FRMD3: variants seen among roughly 807,000 people sequenced by gnomAD.
FRMD3 encodes the protein FERM domain containing 3.
In FRMD3, 33 loss-of-function variants were observed where a neutral mutation model predicts 70.2. The ratio of observed to expected loss-of-function variants is 0.47; its 90% confidence interval spans 0.36 to 0.63. The LOEUF (loss-of-function observed/expected upper bound fraction) is 0.63. Among genes scored for constraint, FRMD3 ranks in the 20% least tolerant of loss-of-function variants. FRMD3 has a pLI of 0.00. For synonymous variants in FRMD3, 279 were observed against 255.9 expected (o/e 1.09, Z -0.86); for missense variants, 632 against 711.4 (o/e 0.89, Z 1.27).
At chr9:83,342,881 G>T (rs1823820159) in intron 5 of FRMD3, among the ~76,000 whole-genome samples, 2 of 152,298 alleles carry the variant, frequency 1.3e-5, no homozygotes, top group Admixed American at 6.5e-5. Context: ...TCCCTTCAGA[G>T]CTTCTTATAA....
At chr9:83,352,076 AC>A in intron 3 of FRMD3, among the ~76,000 whole-genome samples, 1 of 152,342 alleles carries the variant, frequency 6.6e-6, no homozygotes, top group East Asian at 1.9e-4. Flanking sequence ...TATTATGAAT[AC>A]ACCAGAGTGT....
At chr9:83,297,030 C>T (rs1370391010) in intron 12 of FRMD3, among the ~76,000 whole-genome samples, 2 of 152,174 alleles carry the variant, frequency 1.3e-5, no homozygotes, top group Non-Finnish European at 2.9e-5. Context: ...AGCTAGAAAG[C>T]CTTGGTTTCC....
intron 13 of FRMD3, among the ~76,000 whole-genome samples, chr9:83,275,169 A>G (rs1833754873): frequency 6.6e-6 from 1 of 152,200 alleles, no homozygotes; most frequent in South Asian, 2.1e-4. Context: ...GAGCAGTAGC[A>G]TGGGACCGAG....
At chr9:83,519,014 T>C (rs538489772) in intron 1 of FRMD3, among the ~76,000 whole-genome samples, 129 of 152,272 alleles carry the variant, frequency 8.5e-4, no homozygotes, top group Non-Finnish European at 1.5e-3. Flanking sequence ...AAGATTTAAA[T>C]GTAAGCCCTA....
At chr9:83,509,236 A>G (rs1489983320) in intron 1 of FRMD3, among the ~76,000 whole-genome samples, 2 of 152,206 alleles carry the variant, frequency 1.3e-5, no homozygotes, top group Admixed American at 6.5e-5. Flanking sequence ...CAGCAAACTC[A>G]GATGTTATAC....
intron 6 of FRMD3, among the ~76,000 whole-genome samples, chr9:83,329,433 T>G (rs1461562509): frequency 6.6e-6 from 1 of 152,214 alleles, no homozygotes; most frequent in Non-Finnish European, 1.5e-5. Context: ...ATAAACACAC[T>G]TCTCAAAACT....
the FRMD3 span, among the ~76,000 whole-genome samples, chr9:83,568,522 G>A: frequency 2.0e-5 from 3 of 152,144 alleles, no homozygotes; most frequent in Non-Finnish European, 4.4e-5. Flanking sequence ...ATTATGCTGA[G>A]TGAAATATGC....
intron 1 of FRMD3, among the ~76,000 whole-genome samples, chr9:83,399,161 A>G (rs1825884488): frequency 6.6e-6 from 1 of 152,256 alleles, no homozygotes; most frequent in South Asian, 2.1e-4. Flanking sequence ...TGAAGCAGCC[A>G]GAATACGTTG....
intron 1 of FRMD3, among the ~76,000 whole-genome samples, chr9:83,403,131 T>C (rs570528563): frequency 4.6e-5 from 7 of 152,142 alleles, no homozygotes; most frequent in Non-Finnish European, 8.8e-5. Context: ...CTCGAACTCC[T>C]GACCTCAGGT....
At chr9:83,343,073 C>T (rs1823828309) in intron 5 of FRMD3, 117 bp downstream of exon 5, 5 of 755,812 alleles carry the variant, frequency 6.6e-6, no homozygotes, top group Non-Finnish European at 1.2e-5. Context: ...CCCAGCCCTA[C>T]ATGGTCTCCA....
chr9:83,285,062 C>G (rs996144665), intron 13 of FRMD3, among the ~76,000 whole-genome samples: 17 of 152,326 alleles, frequency 1.1e-4, no homozygotes, highest in Non-Finnish European at 2.1e-4. Context: ...TTTTTACATG[C>G]ACGAAATGCC....
At chr9:83,454,680 A>G (rs866230176) in intron 1 of FRMD3, among the ~76,000 whole-genome samples, 14 of 152,290 alleles carry the variant, frequency 9.2e-5, no homozygotes, top group Middle Eastern at 3.4e-3. Context: ...ATCATCAGGT[A>G]TGTCCCCTTC....
At chr9:83,292,349 G>A (rs904699431) in intron 12 of FRMD3, among the ~76,000 whole-genome samples, 4 of 151,560 alleles carry the variant, frequency 2.6e-5, no homozygotes, top group East Asian at 2.0e-4. Context: ...TAGTAGAGAC[G>A]GGGTTCACTG....
intron 1 of FRMD3, among the ~76,000 whole-genome samples, chr9:83,446,440 A>G (rs111696976): frequency 0.35 from 52,966 of 151,542 alleles, 9,322 homozygotes; most frequent in South Asian, 0.45. Context: ...AAGGTCAGGA[A>G]ATCAAGACCA....
rs1053231183 is a variant in FRMD3 at position 83,374,001 on chromosome 9, C to T, written c.253-1046G>A. 2.0e-5 allele frequency among the ~76,000 whole-genome samples: 3 copies of T among 152,148 alleles called. No homozygotes were observed. In the East Asian group the frequency reaches 5.8e-4, roughly 29 times the overall value. ...TGGCATTTGCTGAGCGCTTACTAAA[C>T]GCCAAGTGCCGTTCAAACATTTCCA... On this transcript the variant is annotated intron_variant, in intron 2 of 13. Transcript: ENST00000304195.
At chr9:83,263,694 CAATT>C (rs768958049) in intron 13 of FRMD3, among the ~76,000 whole-genome samples, 86 of 152,070 alleles carry the variant, frequency 5.7e-4, no homozygotes, top group Middle Eastern at 3.4e-3. Flanking sequence ...TGAAACAGGA[CAATT>C]AATAAGAGTT....
intron 1 of FRMD3, among the ~76,000 whole-genome samples, chr9:83,456,854 C>T (rs979003224): frequency 2.6e-5 from 4 of 152,044 alleles, no homozygotes; most frequent in Non-Finnish European, 5.9e-5. Flanking sequence ...GTGGCATATA[C>T]CTGTAGTCCC....
Position 83,537,802 on chromosome 9 carries a change from C to T in FRMD3, c.147+283G>A, listed in dbSNP as rs1829930312. ...CAGAGTCCCTCCGGAGGCAGCTGCC[C>T]CGCGCCCCTAGCCCGGGCGCAGTGA... On this transcript the variant is annotated intron_variant, in intron 1 of 13. Coordinates refer to ENST00000304195, the MANE Select transcript of FRMD3 (RefSeq NM_174938.6). The surrounding 1 kb of genome is among the most constrained non-coding windows in gnomAD (Gnocchi z 4.1). 6.6e-6 allele frequency among the ~76,000 whole-genome samples: 1 copy of T among 152,308 alleles called. No homozygotes were observed. Among genetic ancestry groups the T allele is most frequent in the Admixed American group, 6.5e-5 (1 of 15,310 alleles).
intron 1 of FRMD3, among the ~76,000 whole-genome samples, chr9:83,497,558 C>A (rs1828969144): frequency 6.6e-6 from 1 of 152,196 alleles, no homozygotes; most frequent in Admixed American, 6.5e-5. Context: ...TTACCAAATA[C>A]CCGTGGGCTC....
Sources: gnomAD v4.1 joint callset for allele counts (sites outside exome capture counted in the v4.1 genomes callset) on GRCh38, gnomAD v4.1.1 for gene constraint, Gnocchi (gnomAD v3.1) non-coding constraint, MANE v1.5 for transcripts, NCBI Gene and HGNC (gene_info 2026-07-23, HGNC 2026-07-21) for gene names.